NRAP: variants seen among roughly 807,000 people sequenced by gnomAD.
The protein encoded by NRAP is nebulin-related-anchoring protein.
Under a neutral mutation model 225.9 loss-of-function variants are expected in NRAP, and 189 were observed. The observed-to-expected ratio is 0.84, with a 90% CI of 0.74 to 0.94. The LOEUF (loss-of-function observed/expected upper bound fraction) is 0.94. Ranked by LOEUF, NRAP falls within the 40% of genes least tolerant of loss-of-function variation. The probability of loss-of-function intolerance (pLI) is 0.00; values close to 1 mark genes in which losing one functional copy is unlikely to be tolerated. For synonymous variants in NRAP, 769 were observed against 790.7 expected, an observed-to-expected ratio of 0.97 and a Z score of 0.46; for missense variants, 2,176 against 2,168.7, an observed-to-expected ratio of 1.00 and a Z score of -0.07.
chr10:113,595,597 G>A lies in NRAP; in HGVS notation c.4536+26C>T, dbSNP rs188124413. On this transcript the variant is annotated intron_variant, in intron 38 of 41. Transcript: ENST00000359988. ...GATCATTTTACAAAAGTGGGCACAC[G>A]TTCCATGAACCACCAGTTCACTTAC... 1.2e-3 allele frequency: 1,673 copies of A among 1,443,950 alleles called. 3 individuals are homozygous for A. The highest frequency in any genetic ancestry group is 1.4e-3 in the Non-Finnish European group (1,477 of 1,025,768). 89.4% of individuals were successfully genotyped at this position (1,443,950 alleles called of 1,614,324 possible).
intron 39 of NRAP, among the ~76,000 whole-genome samples, chr10:113,591,710 G>A (rs962294221): frequency 7.9e-5 from 12 of 152,244 alleles, no homozygotes; most frequent in South Asian, 2.1e-4. Context: ...ACATTAATCT[G>A]GGAGATAAGA....
At chr10:113,591,319 C>A (rs1037774900) in intron 39 of NRAP, among the ~76,000 whole-genome samples, 1 of 152,212 alleles carries the variant, frequency 6.6e-6, no homozygotes, top group Non-Finnish European at 1.5e-5. Flanking sequence ...CTCCTCAAAC[C>A]ATCTACAGTG....
chr10:113,654,959 A>G (rs997547770), intron 4 of NRAP, among the ~76,000 whole-genome samples: 26 of 152,214 alleles, frequency 1.7e-4, no homozygotes, highest in Non-Finnish European at 3.1e-4. Flanking sequence ...AATTAGGACC[A>G]TGAGGAGCTG....
At chr10:113,629,211 A>G (rs914633669) in intron 19 of NRAP, among the ~76,000 whole-genome samples, 190 bp from the exon 20 acceptor site, 3 of 152,202 alleles carry the variant, frequency 2.0e-5, no homozygotes, top group East Asian at 3.8e-4. Flanking sequence ...CAAGAGTAGC[A>G]TGCTCTACCT....
At chr10:113,661,732 C>T (rs1032149404) in intron 3 of NRAP, among the ~76,000 whole-genome samples, 7 of 152,088 alleles carry the variant, frequency 4.6e-5, no homozygotes, top group Admixed American at 2.0e-4. Flanking sequence ...TATTTACCTC[C>T]CCATCTCAAC....
chr10:113,663,787 A>G (rs1564771240), intron 1 of NRAP, 24 bp downstream of exon 1: 1 of 1,579,178 alleles, frequency 6.3e-7, no homozygotes, highest in African/African-American at 1.3e-5. Context: ...TATTATTCAC[A>G]AAAGCCAAGA....
chr10:113,603,885 C>T (rs138626121), intron 35 of NRAP, among the ~76,000 whole-genome samples: 10 of 152,136 alleles, frequency 6.6e-5, no homozygotes, highest in South Asian at 4.2e-4. Flanking sequence ...CACACGTGTA[C>T]GTGCACGCAC....
chr10:113,605,553 A>G (rs1253453697), intron 34 of NRAP, among the ~76,000 whole-genome samples: 2 of 152,242 alleles, frequency 1.3e-5, no homozygotes, highest in African/African-American at 4.8e-5. Flanking sequence ...TTCCTGCTAG[A>G]GACCTTTGCC....
intron 14 of NRAP, among the ~76,000 whole-genome samples, chr10:113,634,567 A>G (rs1848756321): frequency 6.6e-6 from 1 of 152,212 alleles, no homozygotes; most frequent in African/African-American, 2.4e-5. Context: ...AGTGTTGGCA[A>G]AGGATGAGGA....
chr10:113,621,098 G>A (rs775772454), intron 24 of NRAP, among the ~76,000 whole-genome samples: 29 of 152,202 alleles, frequency 1.9e-4, no homozygotes, highest in South Asian at 4.1e-4. Flanking sequence ...GAACCCAGGC[G>A]GGCGCTATTT....
At chr10:113,602,862 C>T (rs963241256) in intron 35 of NRAP, among the ~76,000 whole-genome samples, 2 of 152,122 alleles carry the variant, frequency 1.3e-5, no homozygotes, top group African/African-American at 2.4e-5. Context: ...GGGATAACTT[C>T]GTCTCTCAGG....
intron 32 of NRAP, among the ~76,000 whole-genome samples, chr10:113,607,313 AAT>A (rs1847034869): frequency 6.7e-6 from 1 of 149,546 alleles, no homozygotes; most frequent in South Asian, 2.2e-4. Flanking sequence ...GAGACAGGAA[AAT>A]TGCTTGAACC....
Position 113,646,909 on chromosome 10 carries a change from T to A in NRAP, c.993+14A>T. 2 of 1,577,746 alleles carry A rather than the reference T, an allele frequency of 1.3e-6. No individual in the cohort carries two copies. Among genetic ancestry groups the A allele is most frequent in the Non-Finnish European group, 1.7e-6 (2 of 1,146,650 alleles). On this transcript the variant is annotated intron_variant, in intron 10 of 41. Coordinates refer to ENST00000359988, the MANE Select transcript of NRAP (RefSeq NM_198060.4). ...CTGCCTCTGGCTCTGTGGTCACACC[T>A]ACATGGTACTTACGTCACTAGCGAG...
chr10:113,594,645 C>T (rs1846183237), intron 38 of NRAP, among the ~76,000 whole-genome samples: 1 of 152,246 alleles, frequency 6.6e-6, no homozygotes, highest in African/African-American at 2.4e-5. Context: ...TTATCCCCTG[C>T]ACATCCCTCA....
intron 3 of NRAP, among the ~76,000 whole-genome samples, chr10:113,661,603 TTATAG>T (rs1850682264): frequency 6.6e-6 from 1 of 152,094 alleles, no homozygotes; most frequent in Non-Finnish European, 1.5e-5. Context: ...TGGGCATGGG[TTATAG>T]AAGCTCAATG....
In NRAP at chr10:113,590,837, C is replaced by A. The variant is rs149523654; in HGVS notation, c.4697G>T (p.Arg1566Leu). The A allele has an allele frequency of 1.2e-6, 2 of 1,614,066 alleles. No homozygotes were observed. Among genetic ancestry groups the A allele is most frequent in the African/African-American group, 1.3e-5 (1 of 74,928 alleles). ...CATCCTTGGGTCATCGTCGACACTG[C>A]GGTACCCGATCTGCAGGCCTCGGTC... ...LRDRGLQIGY[R>L]SVDDDPRMKH... Residue 1566 changes from arginine (R) to leucine (L), a missense_variant, in exon 40 of 42, where the codon CGC becomes CTC. Physicochemically the swap from Arg to Leu is moderately radical, Grantham distance 102. Coordinates refer to ENST00000359988, the MANE Select transcript of NRAP (RefSeq NM_198060.4).
At chr10:113,623,416 T>C (rs1848108909) in intron 23 of NRAP, 113 bp downstream of exon 23, 1 of 606,088 alleles carries the variant, frequency 1.6e-6, no homozygotes, top group Non-Finnish European at 2.9e-6. Flanking sequence ...ATTTTACAGA[T>C]AAGAATCCTG....
chr10:113,631,621 A>C lies in NRAP; in HGVS notation c.1741-11T>G. 1 of 1,551,340 alleles carries C rather than the reference A, an allele frequency of 6.4e-7. No individual in the cohort carries two copies. Among genetic ancestry groups the C allele is most frequent in the Non-Finnish European group, 8.9e-7 (1 of 1,125,050 alleles). On this transcript the variant is annotated splice_polypyrimidine_tract_variant and intron_variant, in intron 17 of 41. Coordinates refer to ENST00000359988, the MANE Select transcript of NRAP (RefSeq NM_198060.4). The stretch of plus-strand genomic sequence containing the variant: ...TTCTTTATATTTAATCTTGAGAGAA[A>C]GAAGAAGGTCTACTGTGAGTGAGAG...
In NRAP at chr10:113,588,871, G is replaced by T; in HGVS notation, c.*104C>A. The T allele has an allele frequency of 1.3e-6, 1 of 773,894 alleles. No homozygotes were observed. 47.9% of individuals were successfully genotyped at this position (773,894 alleles called of 1,614,324 possible). A position where few individuals can be genotyped will look rare whatever the true frequency, so the allele number is the denominator to read the frequency against. ...ATTTTAATAAAGGAAGATCTGGGAT[G>T]GGCTGGTGGGCCATTCCAGCTTGCC... On this transcript the variant is annotated 3_prime_UTR_variant, in exon 42 of 42. Coordinates refer to ENST00000359988, the MANE Select transcript of NRAP (RefSeq NM_198060.4).
Sources: allele counts gnomAD v4.1 joint callset (sites outside exome capture counted in the v4.1 genomes callset), GRCh38; gene constraint gnomAD v4.1.1; transcripts MANE v1.5; gene names NCBI Gene and HGNC (gene_info 2026-07-23, HGNC 2026-07-21).